The following SERPIND1 variants were observed in gnomAD, a reference collection of about 807,000 sequenced individuals.
SERPIND1 encodes the protein serpin family D member 1, also known as heparin cofactor 2.
A neutral mutation model predicts 35.0 loss-of-function variants in SERPIND1; 34 were observed. The observed-to-expected ratio is 0.97, with a 90% CI of 0.74 to 1.29. The LOEUF (loss-of-function observed/expected upper bound fraction) is 1.29. Ranked by LOEUF, SERPIND1 falls within the 50% of genes most tolerant of loss-of-function variation. The pLI is 0.00. For missense variants in SERPIND1, 633 were observed against 637.7 expected (o/e 0.99, Z 0.08); for synonymous variants, 236 against 241.1 (o/e 0.98, Z 0.19).
Position 20,786,121 on chromosome 22 carries a change from C to T in SERPIND1, c.1281C>T (p.Ile427=). The change falls in exon 4 of 5, where the codon ATC becomes ATT. Residue 427 remains isoleucine, a synonymous_variant. Coordinates refer to ENST00000215727, the MANE Select transcript of SERPIND1 (RefSeq NM_000185.4). ...LFDKNGNMAG[I]SDQRIAIDLF... ...ACAAAAATGGCAACATGGCAGGCAT[C>T]TCAGACCAAAGGATCGCCATCGACC... The T allele has an allele frequency of 1.2e-6, 2 of 1,614,136 alleles. No homozygotes were observed. The highest frequency in any genetic ancestry group is 1.7e-6 in the Non-Finnish European group (2 of 1,180,048).
At chr22:20,782,361 C>G (rs914195900) in intron 2 of SERPIND1, among the ~76,000 whole-genome samples, 1 of 152,200 alleles carries the variant, frequency 6.6e-6, no homozygotes, top group Admixed American at 6.5e-5. Context: ...CTTTCCCCAT[C>G]ATGAGAATAG....
chr22:20,787,376 C>T lies in SERPIND1; in HGVS notation c.*310C>T, dbSNP rs770156886. On this transcript the variant is annotated 3_prime_UTR_variant, in exon 5 of 5. Transcript: ENST00000215727. ...AGCGCGTCCTAAGCACCTCCCGCTC[C>T]GGTGACCCCATCCTTGCACACCTGA... 1.5e-5 allele frequency: 6 copies of T among 403,918 alleles called. No homozygotes were observed. Among genetic ancestry groups the T allele is most frequent in the Non-Finnish European group, 2.3e-5 (5 of 213,222 alleles). The allele number at this position is 403,918 out of a possible 1,614,324, so 25.0% of individuals were successfully genotyped here.
At position 20,783,996 on chromosome 22, in the gene SERPIND1, T is replaced by C; in HGVS notation, c.914T>C (p.Val305Ala). 4 of 1,614,004 alleles carry C rather than the reference T, an allele frequency of 2.5e-6. No individual in the cohort carries two copies. Among genetic ancestry groups the C allele is most frequent in the Non-Finnish European group, 3.4e-6 (4 of 1,180,002 alleles). The change falls in exon 3 of 5, where the codon GTG becomes GCG. Residue 305 changes from valine to alanine, a missense_variant. By Grantham distance (64) the Val-to-Ala change is moderately conservative. Coordinates refer to ENST00000215727, the MANE Select transcript of SERPIND1 (RefSeq NM_000185.4). The stretch of plus-strand genomic sequence containing the variant: ...GGATCCTGGGTGAATAAATTCCCAG[T>C]GGAAATGACACACAACCACAACTTC... Reference protein sequence around the residue: ...FKGSWVNKFPVEMTHNHNFRL... With the variant: ...FKGSWVNKFPAEMTHNHNFRL...
At position 20,779,492 on chromosome 22, in the gene SERPIND1, C is replaced by G; in HGVS notation, c.180C>G (p.His60Gln). The G allele has an allele frequency of 6.2e-7, 1 of 1,614,168 alleles. No homozygotes were observed. The highest frequency in any genetic ancestry group is 1.7e-5 in the Admixed American group (1 of 60,028). ...LSMPLLPADF[H>Q]KENTVTNDWI... ...TGCCTCTTCTCCCTGCCGACTTCCA[C>G]AAGGAAAACACCGTCACCAACGACT... The change falls in exon 2 of 5, where the codon CAC (histidine) becomes CAG (glutamine). Residue 60 changes from histidine to glutamine, a missense_variant. Coordinates refer to ENST00000215727, the MANE Select transcript of SERPIND1 (RefSeq NM_000185.4).
intron 1 of SERPIND1, 144 bp from the exon 2 acceptor site, chr22:20,779,153 A>C (rs1441093597): frequency 1.3e-6 from 2 of 1,533,072 alleles, no homozygotes; most frequent in Non-Finnish European, 8.7e-7. Flanking sequence ...ATTCTCTTAA[A>C]GTCCATGATC....
At chr22:20,786,827 C>T (rs1934273605) in intron 4 of SERPIND1, 48 bp from the exon 5 acceptor site, 1 of 1,564,134 alleles carries the variant, frequency 6.4e-7, no homozygotes, top group East Asian at 2.2e-5. Flanking sequence ...GAACTCTAGC[C>T]CTCTGTGTGC....
rs773430152 is a variant in SERPIND1 at position 20,786,164 on chromosome 22, T to G, written c.1308+16T>G. ...CATCGACCTGGTAACCACTCCCTTG[T>G]CCACCCCCGACCCGTCCCCAGGGTC... On this transcript the variant is annotated intron_variant, in intron 4 of 4. Coordinates refer to ENST00000215727, the MANE Select transcript of SERPIND1 (RefSeq NM_000185.4). 28 of 1,613,514 alleles carry G rather than the reference T, an allele frequency of 1.7e-5. No homozygotes were observed. The highest frequency in any genetic ancestry group is 3.3e-5 in the Admixed American group (2 of 59,990).
At chr22:20,778,686 T>C (rs1178607103) in intron 1 of SERPIND1, among the ~76,000 whole-genome samples, 2 of 152,176 alleles carry the variant, frequency 1.3e-5, no homozygotes, top group Non-Finnish European at 2.9e-5. Flanking sequence ...CACACAGGCA[T>C]GGCTGAGTCC....
chr22:20,780,505 C>T (rs189981152), intron 2 of SERPIND1, among the ~76,000 whole-genome samples: 12 of 152,276 alleles, frequency 7.9e-5, no homozygotes, highest in East Asian at 7.7e-4. Context: ...CGGTGGCTCA[C>T]GCCTGTAATC....
At chr22:20,780,281 T>C (rs903259652) in intron 2 of SERPIND1, 80 bp downstream of exon 2, 2 of 1,591,604 alleles carry the variant, frequency 1.3e-6, no homozygotes, top group African/African-American at 2.7e-5. Flanking sequence ...TGCCAAGAAC[T>C]GTACTGTAGC....
chr22:20,779,756 C>G lies in SERPIND1; in HGVS notation c.444C>G (p.Phe148Leu), dbSNP rs560368734. ...YRVLKDQVNT[F>L]DNIFIAPVGI... The stretch of plus-strand genomic sequence containing the variant: ...TGCTGAAAGACCAGGTCAACACTTT[C>G]GATAACATCTTCATAGCACCCGTTG... Residue 148 changes from phenylalanine to leucine, a missense_variant, in exon 2 of 5, where the codon TTC becomes TTG. Transcript: ENST00000215727. 6.2e-7 allele frequency: 1 copy of G among 1,614,188 alleles called. No homozygotes were observed. Among genetic ancestry groups the G allele is most frequent in the Non-Finnish European group, 8.5e-7 (1 of 1,180,028 alleles).
In SERPIND1 at chr22:20,780,047, T is replaced by C; in HGVS notation, c.735T>C (p.Phe245=). The change falls in exon 2 of 5, where the codon TTT becomes TTC. Residue 245 remains phenylalanine, a synonymous_variant. Transcript: ENST00000215727. ...DFKTKVREYY[F]AEAQIADFSD... ...AAACTAAAGTAAGAGAGTATTACTT[T>C]GCTGAGGCCCAGATAGCTGACTTCT... The C allele has an allele frequency of 6.2e-7, 1 of 1,614,178 alleles. No homozygotes were observed. Among genetic ancestry groups the C allele is most frequent in the Middle Eastern group, 1.6e-4 (1 of 6,062 alleles).
In SERPIND1 at chr22:20,786,098, A is replaced by G; in HGVS notation, c.1258A>G (p.Lys420Glu). 4 of 1,614,164 alleles carry G rather than the reference A, an allele frequency of 2.5e-6. No homozygotes were observed. The South Asian group carries it at 4.4e-5, about 18-fold the overall frequency. Residue 420 changes from lysine to glutamate, a missense_variant, in exon 4 of 5, where the codon AAA becomes GAA. Transcript: ENST00000215727. Reference sequence around the variant, plus strand: ...GATGGGGATCAGGATGCTGTTTGACAAAAATGGCAACATGGCAGGCATCTC... The same window carrying G: ...GATGGGGATCAGGATGCTGTTTGACGAAAATGGCAACATGGCAGGCATCTC... ...KLMGIRMLFD[K>E]NGNMAGISDQ...
Position 20,786,900 on chromosome 22 carries a change from T to C in SERPIND1, c.1334T>C (p.Val445Ala), listed in dbSNP as rs764156826. Reference sequence around the variant, plus strand: ...TTCAAGCACCAAGGCACGATCACAGTGAACGAGGAAGGCACCCAAGCCACC... The same window carrying C: ...TTCAAGCACCAAGGCACGATCACAGCGAACGAGGAAGGCACCCAAGCCACC... ...DLFKHQGTIT[V>A]NEEGTQATTV... The change falls in exon 5 of 5, where the codon GTG (valine) becomes GCG (alanine). Residue 445 changes from valine to alanine, a missense_variant. Transcript: ENST00000215727. 2 of 1,614,024 alleles carry C rather than the reference T, an allele frequency of 1.2e-6. No homozygotes were observed. Among genetic ancestry groups the C allele is most frequent in the African/African-American group, 2.7e-5 (2 of 74,902 alleles).
chr22:20,780,961 A>G (rs1933753738), intron 2 of SERPIND1, among the ~76,000 whole-genome samples: 2 of 152,098 alleles, frequency 1.3e-5, no homozygotes, highest in South Asian at 2.1e-4. Flanking sequence ...CCAATTATCA[A>G]TAAGCAGGAA....
chr22:20,786,025 G>C lies in SERPIND1; in HGVS notation c.1185G>C (p.Pro395=). The change falls in exon 4 of 5, where the codon CCG becomes CCC. Residue 395 remains proline, a synonymous_variant. Transcript: ENST00000215727. ...CTAGAACTCGAGAAGTGCTTCTGCC[G>C]AAATTCAAGCTGGAGAAGAACTACA... ...MTNRTREVLL[P]KFKLEKNYNL... The C allele has an allele frequency of 1.2e-6, 2 of 1,614,132 alleles. No individual in the cohort carries two copies. Among genetic ancestry groups the C allele is most frequent in the Non-Finnish European group, 1.7e-6 (2 of 1,180,022 alleles).
intron 4 of SERPIND1, among the ~76,000 whole-genome samples, chr22:20,786,524 C>T (rs1460635482): frequency 6.6e-6 from 1 of 152,144 alleles, no homozygotes; most frequent in Non-Finnish European, 1.5e-5. Flanking sequence ...GGGCGCTCAG[C>T]AAAAGAGAGA....
chr22:20,785,916 T>C lies in SERPIND1; in HGVS notation c.1164-88T>C, dbSNP rs188239120. On this transcript the variant is annotated intron_variant, in intron 3 of 4. Coordinates refer to ENST00000215727, the MANE Select transcript of SERPIND1 (RefSeq NM_000185.4). ...TGCTATATCAATTCTGTGATAAATA[T>C]AACCCGTGGCCCTTTAAAGGGAAAA... 604 of 1,556,258 alleles carry C rather than the reference T, an allele frequency of 3.9e-4. 1 individual carries two copies. The African/African-American group carries it at 6.8e-3, about 18-fold the overall frequency.
chr22:20,780,609 C>G (rs144086356), intron 2 of SERPIND1, among the ~76,000 whole-genome samples: 37 of 152,014 alleles, frequency 2.4e-4, no homozygotes, highest in African/African-American at 8.4e-4. Context: ...AAACCTGGCT[C>G]TACTAAAAAT....
Sources: allele counts gnomAD v4.1 joint callset (sites outside exome capture counted in the v4.1 genomes callset), GRCh38; gene constraint gnomAD v4.1.1; transcripts MANE v1.5; gene names NCBI Gene and HGNC (gene_info 2026-07-23, HGNC 2026-07-21).